The following SUCLG2 variants were observed in gnomAD, a reference collection of about 807,000 sequenced individuals.
SUCLG2 encodes the protein succinate--CoA ligase [GDP-forming] subunit beta, mitochondrial.
SUCLG2 carries 42 observed loss-of-function variants against 47.9 expected under a neutral mutation model. The ratio of observed to expected loss-of-function variants is 0.88; its 90% CI spans 0.69 to 1.14. The LOEUF is 1.14. SUCLG2 is among the 50% of genes most tolerant of loss of function. The pLI, the probability that SUCLG2 is intolerant of heterozygous loss-of-function variation, is 0.00. For missense variants in SUCLG2, 571 were observed against 525.9 expected (o/e 1.09, Z -0.84); for synonymous variants, 195 against 197.3 (o/e 0.99, Z 0.10).
At chr3:67,362,632 T>C (rs77721257) in intron 10 of SUCLG2, among the ~76,000 whole-genome samples, 12,690 of 152,202 alleles carry the variant, frequency 0.083, 675 homozygotes, top group Middle Eastern at 0.14. Flanking sequence ...GCAGATAATA[T>C]AGTGTATTAG....
chr3:67,438,131 C>G (rs1039024392), intron 9 of SUCLG2, among the ~76,000 whole-genome samples: 1 of 152,306 alleles, frequency 6.6e-6, no homozygotes, highest in East Asian at 1.9e-4. Context: ...TAAATGACTA[C>G]TGGGTAACTA....
chr3:67,400,686 CT>C, intron 10 of SUCLG2, 44 bp downstream of exon 10: 2 of 1,600,936 alleles, frequency 1.2e-6, no homozygotes, highest in Admixed American at 3.6e-5. Context: ...GTCACCTGAC[CT>C]TGGAGAAGGG....
intron 1 of SUCLG2, among the ~76,000 whole-genome samples, chr3:67,624,329 G>A (rs1328618430): frequency 6.6e-6 from 1 of 152,190 alleles, no homozygotes; most frequent in African/African-American, 2.4e-5. Flanking sequence ...AATGTTCTCT[G>A]TGCAGAATGA....
intron 10 of SUCLG2, among the ~76,000 whole-genome samples, chr3:67,397,481 C>T (rs950328934): frequency 6.6e-6 from 1 of 152,136 alleles, no homozygotes; most frequent in Non-Finnish European, 1.5e-5. Flanking sequence ...AGGACCTCTT[C>T]AAGGAGAACT....
chr3:67,469,574 C>T (rs149366814), intron 9 of SUCLG2, among the ~76,000 whole-genome samples: 1 of 142,314 alleles, frequency 7.0e-6, no homozygotes, highest in African/African-American at 2.6e-5. Context: ...CTAAAAAATA[C>T]AAAAATTAGC....
chr3:67,521,616 A>T (rs2362880), intron 4 of SUCLG2, among the ~76,000 whole-genome samples: 102,968 of 149,352 alleles, frequency 0.69, 35,542 homozygotes, highest in Middle Eastern at 0.76. Flanking sequence ...TTTTTTTTTT[A>T]AAAAAAGACA....
chr3:67,648,302 G>C (rs918424933), intron 1 of SUCLG2, among the ~76,000 whole-genome samples: 2 of 152,154 alleles, frequency 1.3e-5, no homozygotes, highest in Admixed American at 1.3e-4. Context: ...AAGCCAGAGA[G>C]AGAGGAAGGT....
Position 67,375,629 on chromosome 3 carries a change from T to C in SUCLG2, c.*115A>G, listed in dbSNP as rs1351709440. The C allele has an allele frequency of 1.4e-6, 2 of 1,447,772 alleles. No individual in the cohort carries two copies. Among genetic ancestry groups the C allele is most frequent in the Non-Finnish European group, 1.8e-6 (2 of 1,100,386 alleles). 89.7% of individuals were successfully genotyped at this position (1,447,772 alleles called of 1,614,324 possible). A position where few individuals can be genotyped will look rare whatever the true frequency, so the allele number is the denominator to read the frequency against. ...AGATTTAAGATTTTTCAGTGATTCT[T>C]GCCTTCCCCCTCCCCTTTTCTTCCC... On this transcript the variant is annotated 3_prime_UTR_variant, in exon 11 of 11. Transcript: ENST00000307227.
At chr3:67,568,089 C>A (rs1707510212) in intron 2 of SUCLG2, among the ~76,000 whole-genome samples, 1 of 152,102 alleles carries the variant, frequency 6.6e-6, no homozygotes, top group Non-Finnish European at 1.5e-5. Flanking sequence ...GTGAGAGAGA[C>A]CAGGACAGCA....
intron 4 of SUCLG2, among the ~76,000 whole-genome samples, chr3:67,527,794 C>T (rs1027067068): frequency 2.0e-5 from 3 of 152,146 alleles, no homozygotes; most frequent in Non-Finnish European, 2.9e-5. Context: ...GTGGGAGCAG[C>T]GAATGTCCCT....
chr3:67,496,921 A>C (rs1402114657), intron 8 of SUCLG2, among the ~76,000 whole-genome samples: 1 of 152,212 alleles, frequency 6.6e-6, no homozygotes, highest in Non-Finnish European at 1.5e-5. Context: ...TAACTAAAAT[A>C]AAAATGGTTT....
At chr3:67,557,390 A>C (rs1371587367) in intron 2 of SUCLG2, among the ~76,000 whole-genome samples, 3 of 152,144 alleles carry the variant, frequency 2.0e-5, no homozygotes, top group African/African-American at 7.2e-5. Context: ...CATTTATTGA[A>C]TTCCTACCAC....
intron 10 of SUCLG2, among the ~76,000 whole-genome samples, chr3:67,397,356 A>C (rs1305818012): frequency 1.3e-5 from 2 of 151,282 alleles, no homozygotes; most frequent in East Asian, 3.9e-4. Flanking sequence ...TACAAAAATC[A>C]CAAGCATTCT....
chr3:67,489,462 G>A (rs1227715567), intron 9 of SUCLG2, among the ~76,000 whole-genome samples: 1 of 152,120 alleles, frequency 6.6e-6, no homozygotes, highest in East Asian at 1.9e-4. Flanking sequence ...ATTCTCCACA[G>A]ACTAGACTAT....
At chr3:67,640,042 A>G (rs1336594920) in intron 1 of SUCLG2, among the ~76,000 whole-genome samples, 2 of 151,754 alleles carry the variant, frequency 1.3e-5, no homozygotes, top group Admixed American at 6.5e-5. Flanking sequence ...ATTAAAAAAT[A>G]AAAGGGATTC....
At chr3:67,614,742 T>C (rs1179791072) in intron 1 of SUCLG2, among the ~76,000 whole-genome samples, 1 of 152,028 alleles carries the variant, frequency 6.6e-6, no homozygotes, top group East Asian at 1.9e-4. Context: ...TTTCAAGATA[T>C]AAAGGGACCA....
chr3:67,371,606 CT>C (rs1166385402), downstream of SUCLG2, among the ~76,000 whole-genome samples: 2 of 152,172 alleles, frequency 1.3e-5, no homozygotes, highest in Non-Finnish European at 2.9e-5. Flanking sequence ...TCCATATGAC[CT>C]GCCAGTTGCT....
intron 9 of SUCLG2, among the ~76,000 whole-genome samples, chr3:67,461,332 G>GA (rs1228164783): frequency 6.6e-6 from 1 of 152,080 alleles, no homozygotes; most frequent in Non-Finnish European, 1.5e-5. Flanking sequence ...AAATCTGCTT[G>GA]AAGTCTTGAA....
intron 2 of SUCLG2, among the ~76,000 whole-genome samples, chr3:67,530,797 T>C (rs1314021434): frequency 4.6e-5 from 7 of 152,194 alleles, no homozygotes; most frequent in Non-Finnish European, 1.0e-4. Flanking sequence ...ATCACAACAT[T>C]GGTCAAGCCC....
Sources: allele counts gnomAD v4.1 joint callset (sites outside exome capture counted in the v4.1 genomes callset), GRCh38; gene constraint gnomAD v4.1.1; transcripts MANE v1.5; gene names NCBI Gene and HGNC (gene_info 2026-07-23, HGNC 2026-07-21).